PANK4: variants seen among roughly 807,000 people sequenced by gnomAD.
PANK4 encodes 4'-phosphopantetheine phosphatase.
In PANK4, 40 loss-of-function variants were observed where a neutral mutation model predicts 87.9. That is an observed-to-expected ratio of 0.46 (90% CI 0.35 to 0.59). The LOEUF is 0.59. Ranked by LOEUF, PANK4 falls within the 20% of genes least tolerant of loss-of-function variation. The pLI, the probability that PANK4 is intolerant of heterozygous loss-of-function variation, is 0.00. For synonymous variants in PANK4, 524 were observed against 467.4 expected (o/e 1.12, Z -1.56); for missense variants, 926 against 1,072.3 (o/e 0.86, Z 1.90).
intron 1 of PANK4, chr1:2,525,817 C>G (rs1643917136): frequency 6.6e-6 from 1 of 152,252 alleles, no homozygotes; most frequent in Admixed American, 6.5e-5. Context: ...TTAAAGGCCA[C>G]GGAAGGCACG....
Position 2,518,195 on chromosome 1 carries a change from A to G in PANK4, c.1187T>C (p.Leu396Pro). Residue 396 changes from leucine (L) to proline (P), a missense_variant, in exon 9 of 19, where the codon CTC (leucine) becomes CCC (proline). Coordinates refer to ENST00000378466, the MANE Select transcript of PANK4 (RefSeq NM_018216.4). ...SSGLMSASPE[L>P]GPAQRARSGT... ...ACTCCGCGCCCGCTGCGCCGGGCCG[A>G]GCTCGGGTGATGCACTCATCAGCCC... 2 of 1,610,294 alleles carry G rather than the reference A, an allele frequency of 1.2e-6. No individual in the cohort carries two copies. Among genetic ancestry groups the G allele is most frequent in the Middle Eastern group, 3.3e-4 (2 of 6,058 alleles).
At chr1:2,521,585 G>T (rs1275035725) in intron 2 of PANK4, 133 bp downstream of exon 2, 1 of 816,556 alleles carries the variant, frequency 1.2e-6, no homozygotes, top group East Asian at 2.4e-5. Flanking sequence ...AGGGGAGGCT[G>T]TCCCTGCTAG....
Position 2,519,795 on chromosome 1 carries a change from G to A in PANK4, c.853+6C>T. The A allele has an allele frequency of 1.3e-6, 2 of 1,572,980 alleles. No individual in the cohort carries two copies. Among genetic ancestry groups the A allele is most frequent in the South Asian group, 1.2e-5 (1 of 86,418 alleles). On this transcript the variant is annotated splice_donor_region_variant and intron_variant, in intron 6 of 18. Transcript: ENST00000378466. The surrounding 1 kb of genome is among the most constrained non-coding windows in gnomAD (Gnocchi z 8.3). ...GCTCTCTGGCGGCAGAGGCCGGGGT[G>A]AGCACCTTGGTCGGCGGTGGCCGAC...
Position 2,520,206 on chromosome 1 carries a change from G to A in PANK4, c.699+116C>T, listed in dbSNP as rs1019772549. 7 of 973,896 alleles carry A rather than the reference G, an allele frequency of 7.2e-6. No individual in the cohort carries two copies. The highest frequency in any genetic ancestry group is 4.8e-5 in the African/African-American group (3 of 62,490). The allele number at this position is 973,896 out of a possible 1,614,324, so 60.3% of individuals were successfully genotyped here. A position where few individuals can be genotyped will look rare whatever the true frequency, so the allele number is the denominator to read the frequency against. On this transcript the variant is annotated intron_variant, in intron 5 of 18. Transcript: ENST00000378466. The surrounding 1 kb of genome is among the most constrained non-coding windows in gnomAD (Gnocchi z 6.2). The stretch of plus-strand genomic sequence containing the variant: ...CCGCAGAGGCCAGAGACCCACTGAC[G>A]CGAGTCAGGAGGGAGGCCCGGAAGC...
At chr1:2,516,434 T>A (rs892539419) in intron 9 of PANK4, among the ~76,000 whole-genome samples, 1 of 152,216 alleles carries the variant, frequency 6.6e-6, no homozygotes, top group African/African-American at 2.4e-5. Flanking sequence ...TGAACTGAAC[T>A]GAGCCGACGC....
At chr1:2,513,927 G>C in intron 12 of PANK4, 75 bp downstream of exon 12, 1 of 1,126,644 alleles carries the variant, frequency 8.9e-7, no homozygotes. Context: ...CGAGCCAGCG[G>C]GACAGAGACA....
chr1:2,522,379 A>G (rs532783648), intron 1 of PANK4, among the ~76,000 whole-genome samples: 2 of 152,312 alleles, frequency 1.3e-5, no homozygotes, highest in South Asian at 4.1e-4. Flanking sequence ...GCCAGAAGTC[A>G]GAGGCCACCA....
Position 2,520,216 on chromosome 1 carries a change from A to G in PANK4, c.699+106T>C. 9.3e-7 allele frequency: 1 copy of G among 1,069,738 alleles called. No individual in the cohort carries two copies. The highest frequency in any genetic ancestry group is 1.4e-6 in the Non-Finnish European group (1 of 700,908). 66.3% of individuals were successfully genotyped at this position (1,069,738 alleles called of 1,614,324 possible). On this transcript the variant is annotated intron_variant, in intron 5 of 18. Coordinates refer to ENST00000378466, the MANE Select transcript of PANK4 (RefSeq NM_018216.4). The surrounding 1 kb of genome is among the most constrained non-coding windows in gnomAD (Gnocchi z 6.2). ...CAGAGACCCACTGACGCGAGTCAGG[A>G]GGGAGGCCCGGAAGCAGCTTTTGCA...
At chr1:2,522,518 A>G (rs1199991220) in intron 1 of PANK4, among the ~76,000 whole-genome samples, 1 of 152,242 alleles carries the variant, frequency 6.6e-6, no homozygotes, top group African/African-American at 2.4e-5. Flanking sequence ...TACCTGAACC[A>G]GATTTCAGGG....
rs1643844945 is a variant in PANK4 at position 2,519,387 on chromosome 1, G to A, written c.854-63C>T. On this transcript the variant is annotated intron_variant, in intron 6 of 18. Coordinates refer to ENST00000378466, the MANE Select transcript of PANK4 (RefSeq NM_018216.4). The surrounding 1 kb of genome is among the most constrained non-coding windows in gnomAD (Gnocchi z 8.3). The stretch of plus-strand genomic sequence containing the variant: ...CAGCAAGTGCACGACATGAGAGCGA[G>A]CAGGAGGGGAGGGGGAGAGAGAGCT... 3 of 938,540 alleles carry A rather than the reference G, an allele frequency of 3.2e-6. No individual in the cohort carries two copies. The highest frequency in any genetic ancestry group is 4.4e-6 in the Non-Finnish European group (3 of 679,674). The allele number at this position is 938,540 out of a possible 1,614,324, so 58.1% of individuals were successfully genotyped here.
chr1:2,515,160 G>A lies in PANK4; in HGVS notation c.1374+402C>T, dbSNP rs1643744543. ...CCAGCCTTGGAGAAGGTGGGACGCAGGAGTCCCAAGGTGGCCTCGCCGGGA... is the reference window on the plus strand; with the variant it reads ...CCAGCCTTGGAGAAGGTGGGACGCAAGAGTCCCAAGGTGGCCTCGCCGGGA... On this transcript the variant is annotated intron_variant, in intron 10 of 18. Coordinates refer to ENST00000378466, the MANE Select transcript of PANK4 (RefSeq NM_018216.4). This position sits in a 1 kb window ranked among gnomAD's most constrained non-coding sequence, Gnocchi z 5.0. 5 of 385,938 alleles carry A rather than the reference G, an allele frequency of 1.3e-5. No homozygotes were observed. Among genetic ancestry groups the A allele is most frequent in the Middle Eastern group, 3.8e-4 (1 of 2,646 alleles). 23.9% of individuals were successfully genotyped at this position (385,938 alleles called of 1,614,324 possible).
intron 1 of PANK4, among the ~76,000 whole-genome samples, chr1:2,525,419 G>A (rs1432335629): frequency 6.6e-6 from 1 of 152,082 alleles, no homozygotes; most frequent in Non-Finnish European, 1.5e-5. Flanking sequence ...ACCGAGATGA[G>A]TGCTAAGAGG....
At position 2,509,619 on chromosome 1, in the gene PANK4, T is replaced by G. The variant is rs1643625925; in HGVS notation, c.2108+243A>C. ...TGGCCACAGGGACATTGGCCCCTCT[T>G]GCCCCAAGTCCCCAAACCCAGCCCA... On this transcript the variant is annotated intron_variant, in intron 18 of 18. Coordinates refer to ENST00000378466, the MANE Select transcript of PANK4 (RefSeq NM_018216.4). This position sits in a 1 kb window ranked among gnomAD's most constrained non-coding sequence, Gnocchi z 4.9. Among the ~76,000 whole-genome samples, 1 of 152,102 alleles carries G rather than the reference T, an allele frequency of 6.6e-6. No individual in the cohort carries two copies.
chr1:2,514,160 G>A, intron 11 of PANK4, 71 bp from the exon 12 acceptor site: 1 of 1,370,850 alleles, frequency 7.3e-7, no homozygotes, highest in East Asian at 2.3e-5. Flanking sequence ...ATCCTCGGCT[G>A]TGCCACGGAC....
Position 2,508,911 on chromosome 1 carries a change from A to T in PANK4, c.2258T>A (p.Leu753Gln). The T allele has an allele frequency of 6.2e-7, 1 of 1,610,344 alleles. No homozygotes were observed. The highest frequency in any genetic ancestry group is 8.5e-7 in the Non-Finnish European group (1 of 1,178,900). Residue 753 changes from leucine to glutamine, a missense_variant, in exon 19 of 19, where the codon CTG becomes CAG. Leu to Gln is a moderately radical substitution (Grantham distance 113). Coordinates refer to ENST00000378466, the MANE Select transcript of PANK4 (RefSeq NM_018216.4). The surrounding 1 kb of genome is among the most constrained non-coding windows in gnomAD (Gnocchi z 5.1). ...GAGCCGGCCGCCCAGCCGCTCGGCC[A>T]GCCACGCGTTCTTGATGACGGCCAG... ...LKLAVIKNAW[L>Q]AERLGGRLFS...
In PANK4 at chr1:2,519,895, C is replaced by G; in HGVS notation, c.759G>C (p.Leu253=). The G allele has an allele frequency of 6.4e-7, 1 of 1,568,016 alleles. No individual in the cohort carries two copies. The highest frequency in any genetic ancestry group is 8.6e-7 in the Non-Finnish European group (1 of 1,156,542). The change falls in exon 6 of 19, where the codon CTG becomes CTC. Residue 253 remains leucine (L), a synonymous_variant. Transcript: ENST00000378466. This position sits in a 1 kb window ranked among gnomAD's most constrained non-coding sequence, Gnocchi z 8.3. The part of the protein sequence containing the change: ...SRGQHSNVDM[L]VRDVYGGAHQ... ...GGGCGCCGCCGTAGACGTCCCGCACCAGCATGTCCACATTGCTGTGCTGGC... is the reference window on the plus strand; with the variant it reads ...GGGCGCCGCCGTAGACGTCCCGCACGAGCATGTCCACATTGCTGTGCTGGC...
chr1:2,516,431 A>C (rs879603019), intron 9 of PANK4, among the ~76,000 whole-genome samples: 1 of 152,156 alleles, frequency 6.6e-6, no homozygotes, highest in African/African-American at 2.4e-5. Context: ...AAGTGAACTG[A>C]ACTGAGCCGA....
rs1167574947 is a variant in PANK4 at position 2,518,586 on chromosome 1, C to T, written c.1047G>A (p.Gln349=). The part of the protein sequence containing the change: ...SINFFSKGEV[Q]ALFLRHEGYL... ...AGCCTTCGTGCCTCAGAAACAGCGC[C>T]TGCACTTCCCCCTGCCGTGGCCAAA... The change falls in exon 8 of 19, where the codon CAG becomes CAA. Residue 349 remains glutamine, a synonymous_variant. Coordinates refer to ENST00000378466, the MANE Select transcript of PANK4 (RefSeq NM_018216.4). 1 of 1,568,904 alleles carries T rather than the reference C, an allele frequency of 6.4e-7. No individual in the cohort carries two copies. Among genetic ancestry groups the T allele is most frequent in the Admixed American group, 1.9e-5 (1 of 53,972 alleles).
At chr1:2,511,464 G>C in intron 14 of PANK4, 77 bp from the exon 15 acceptor site, 3 of 1,230,288 alleles carry the variant, frequency 2.4e-6, no homozygotes, top group South Asian at 1.2e-5. Context: ...TCAGGTGTTC[G>C]TCTCTCCAGG....
Sources: gnomAD v4.1 joint callset for allele counts (sites outside exome capture counted in the v4.1 genomes callset) on GRCh38, gnomAD v4.1.1 for gene constraint, Gnocchi (gnomAD v3.1) non-coding constraint, MANE v1.5 for transcripts, NCBI Gene and HGNC (gene_info 2026-07-23, HGNC 2026-07-21) for gene names.